Variants in ERICH1 observed in about 807,000 individuals in gnomAD.
ERICH1 encodes glutamate-rich protein 1.
ERICH1 carries 56 observed loss-of-function variants against 39.6 expected under a neutral mutation model. The ratio of observed to expected loss-of-function variants is 1.41; its 90% CI spans 1.14 to 1.77. The LOEUF (loss-of-function observed/expected upper bound fraction) is 1.77, where lower values mean the gene tolerates loss of function less well. Ranked by LOEUF, ERICH1 falls within the 40% of genes most tolerant of loss-of-function variation. The pLI is 0.00. For synonymous variants in ERICH1, 313 were observed against 223.6 expected (o/e 1.40, Z -3.57); for missense variants, 826 against 575.4 (o/e 1.44, Z -4.45).
downstream of ERICH1, among the ~76,000 whole-genome samples, chr8:662,941 GCGC>G (rs1447174403): frequency 1.3e-5 from 2 of 152,200 alleles, no homozygotes; most frequent in Admixed American, 1.3e-4. Context: ...TGAAGCAGCG[GCGC>G]CTGCAGCTCC....
At chr8:686,030 C>A (rs932410796) in intron 3 of ERICH1, among the ~76,000 whole-genome samples, 2 of 149,956 alleles carry the variant, frequency 1.3e-5, no homozygotes, top group African/African-American at 4.9e-5. Context: ...TGTAGTGGTG[C>A]GCACCTGTGG....
At chr8:723,912 C>T (rs1051981548) in intron 1 of ERICH1, among the ~76,000 whole-genome samples, 32 of 152,156 alleles carry the variant, frequency 2.1e-4, no homozygotes, top group Admixed American at 1.2e-3. Flanking sequence ...AGAATTACAT[C>T]ACTTCACAAG....
chr8:683,511 T>G (rs773930244), intron 3 of ERICH1, among the ~76,000 whole-genome samples: 7 of 152,190 alleles, frequency 4.6e-5, no homozygotes, highest in Non-Finnish European at 5.9e-5. Context: ...ATTCTCGCTC[T>G]CTCTCTCTTA....
intron 5 of ERICH1, chr8:667,242 C>G (rs1211914574): frequency 1.3e-5 from 2 of 153,004 alleles, no homozygotes; most frequent in Non-Finnish European, 1.5e-5. Flanking sequence ...ACGTGCATCC[C>G]CTGGTCCAGC....
intron 2 of ERICH1, among the ~76,000 whole-genome samples, chr8:704,728 A>C (rs116136634): frequency 6.6e-6 from 1 of 152,182 alleles, no homozygotes; most frequent in East Asian, 1.9e-4. Flanking sequence ...AAGTCAATAC[A>C]TAAGATTTAA....
rs980962978 is a variant in ERICH1, at chr8:614,965, G to C, written c.*258C>G. 3.6e-5 allele frequency: 13 copies of C among 363,042 alleles called. No individual in the cohort carries two copies. The South Asian group carries it at 1.2e-3, about 33-fold the overall frequency. The allele number at this position is 363,042 out of a possible 1,614,324, so 22.5% of individuals were successfully genotyped here. A position where few individuals can be genotyped will look rare whatever the true frequency, so the allele number is the denominator to read the frequency against. ...ATTAGGAGAGGGACAAACTGTGACTGAGCCACAGGCTCACCTCAGCCAGTC... is the reference window on the plus strand; with the variant it reads ...ATTAGGAGAGGGACAAACTGTGACTCAGCCACAGGCTCACCTCAGCCAGTC... On this transcript the variant is annotated 3_prime_UTR_variant, in exon 4 of 4. Coordinates refer to the ERICH1 transcript ENST00000522706.
intron 3 of ERICH1, chr8:627,388 G>A (rs941667551): frequency 1.1e-5 from 4 of 361,468 alleles, no homozygotes; most frequent in African/African-American, 8.5e-5. Flanking sequence ...TGAGAGCCTC[G>A]ACTTCACATG....
intron 1 of ERICH1, among the ~76,000 whole-genome samples, chr8:728,895 A>G (rs568741724): frequency 6.6e-4 from 100 of 152,014 alleles, no homozygotes; most frequent in Non-Finnish European, 7.9e-4. Flanking sequence ...AGCAGATTAT[A>G]TTGCCTAGCA....
chr8:662,856 G>A (rs2131760081), downstream of ERICH1, among the ~76,000 whole-genome samples: 1 of 152,268 alleles, frequency 6.6e-6, no homozygotes. Flanking sequence ...TTCGGAGTTA[G>A]GGGAAGAGAA....
intron 3 of ERICH1, among the ~76,000 whole-genome samples, chr8:675,089 T>C (rs1359181136): frequency 6.6e-6 from 1 of 151,940 alleles, no homozygotes. Context: ...ACCATGGCAG[T>C]CTCAACACCT....
intron 2 of ERICH1, among the ~76,000 whole-genome samples, chr8:693,122 C>G (rs980483993): frequency 3.3e-5 from 5 of 152,018 alleles, no homozygotes; most frequent in Non-Finnish European, 7.4e-5. Flanking sequence ...ACAAAACACA[C>G]AGAGACACAC....
chr8:724,704 T>C (rs1450331903), intron 1 of ERICH1, among the ~76,000 whole-genome samples: 1 of 152,194 alleles, frequency 6.6e-6, no homozygotes, highest in Non-Finnish European at 1.5e-5. Flanking sequence ...TTTTTCCACT[T>C]TCATTAAACA....
intron 1 of ERICH1, among the ~76,000 whole-genome samples, chr8:730,838 G>C (rs1819815918): frequency 6.6e-6 from 1 of 152,202 alleles, no homozygotes; most frequent in Admixed American, 6.5e-5. Context: ...ACCAACAGGG[G>C]CTCTGCTAAG....
At chr8:712,996 T>C (rs1430083803) in intron 2 of ERICH1, among the ~76,000 whole-genome samples, 1 of 152,264 alleles carries the variant, frequency 6.6e-6, no homozygotes, top group Non-Finnish European at 1.5e-5. Flanking sequence ...CAGACATTTG[T>C]TCTCTCACAG....
chr8:632,941 G>C (rs182390158), intron 3 of ERICH1, among the ~76,000 whole-genome samples: 2 of 152,348 alleles, frequency 1.3e-5, no homozygotes, highest in East Asian at 3.9e-4. Flanking sequence ...CCACAGCAAA[G>C]AGCCGTTTAG....
At chr8:699,820 A>AGCGCACAG (rs1811366694) in intron 2 of ERICH1, among the ~76,000 whole-genome samples, 2 of 59,010 alleles carry the variant, frequency 3.4e-5, no homozygotes, top group East Asian at 1.8e-3. Flanking sequence ...GATCCGCACA[A>AGCGCACAG]GCGCACAGAC....
At chr8:681,611 G>T (rs1239775997) in intron 3 of ERICH1, among the ~76,000 whole-genome samples, 2 of 152,238 alleles carry the variant, frequency 1.3e-5, no homozygotes, top group South Asian at 4.1e-4. Context: ...CTTGCCACCA[G>T]AAGCCACAGA....
intron 3 of ERICH1, chr8:615,867 A>G (rs1796876086): frequency 6.6e-6 from 1 of 152,364 alleles, no homozygotes; most frequent in Non-Finnish European, 1.5e-5. Context: ...TTTTCCGCCA[A>G]TATTCAGCTT....
chr8:674,142 T>A (rs1804116023), intron 3 of ERICH1, 95 bp from the exon 4 acceptor site: 1 of 1,393,996 alleles, frequency 7.2e-7, no homozygotes, highest in South Asian at 1.5e-5. Context: ...TCTTGTAGTT[T>A]TAGTAGAAAA....
Sources: allele counts gnomAD v4.1 joint callset (sites outside exome capture counted in the v4.1 genomes callset), GRCh38; gene constraint gnomAD v4.1.1; transcripts MANE v1.5; gene names NCBI Gene and HGNC (gene_info 2026-07-23, HGNC 2026-07-21).